Variants in RELN observed in about 807,000 individuals in gnomAD.
The protein encoded by RELN is reelin.
A neutral mutation model predicts 427.6 loss-of-function variants in RELN; 108 were observed. The ratio of observed to expected loss-of-function variants is 0.25; its 90% CI spans 0.22 to 0.30. The LOEUF is 0.30. Ranked by LOEUF, RELN falls within the 10% of genes least tolerant of loss-of-function variation. The pLI is 1.00. For missense variants in RELN, 3,715 were observed against 4,302.8 expected, an observed-to-expected ratio of 0.86 and a Z score of 3.82; for synonymous variants, 1,524 against 1,513.4, an observed-to-expected ratio of 1.01 and a Z score of -0.16.
chr7:103,978,023 A>G (rs1796916353), intron 1 of RELN, among the ~76,000 whole-genome samples: 1 of 152,260 alleles, frequency 6.6e-6, no homozygotes, highest in South Asian at 2.1e-4. Flanking sequence ...AATATTTCTA[A>G]GGAGAAACAT....
chr7:103,651,704 G>A lies in RELN; in HGVS notation c.1849C>T (p.His617Tyr), dbSNP rs780026961. Reference sequence around the variant, plus strand: ...GAGTAGACAGTGCTGTGGGGGAGGTGGGGTCCAGCACAGATCTCAGGTAAG... The same window carrying A: ...GAGTAGACAGTGCTGTGGGGGAGGTAGGGTCCAGCACAGATCTCAGGTAAG... ...ECLPEICAGP[H>Y]LPHSTVYSSE... Residue 617 changes from histidine to tyrosine, a missense_variant, in exon 15 of 65, where the codon CAC (histidine) becomes TAC (tyrosine). This residue lies in a region of RELN where 2,208 missense variants were observed against 2,361.7 expected (regional missense o/e 0.93). Transcript: ENST00000428762. 1 of 1,611,632 alleles carries A rather than the reference G, an allele frequency of 6.2e-7. No homozygotes were observed. The highest frequency in any genetic ancestry group is 8.5e-7 in the Non-Finnish European group (1 of 1,178,364).
intron 2 of RELN, among the ~76,000 whole-genome samples, chr7:103,866,597 C>A (rs900869245): frequency 2.0e-5 from 3 of 151,820 alleles, no homozygotes; most frequent in African/African-American, 7.3e-5. Context: ...TAATTTAAAT[C>A]AAAAGAATAG....
At chr7:103,857,828 C>T (rs1793981465) in intron 2 of RELN, among the ~76,000 whole-genome samples, 1 of 152,122 alleles carries the variant, frequency 6.6e-6, no homozygotes, top group Admixed American at 6.5e-5. Flanking sequence ...AATCAGTTGT[C>T]CTACTCCATG....
chr7:103,605,395 G>A (rs1831793866), intron 22 of RELN, among the ~76,000 whole-genome samples: 1 of 152,160 alleles, frequency 6.6e-6, no homozygotes, highest in Non-Finnish European at 1.5e-5. Context: ...AAGTGGGGAT[G>A]AAAATTAAAC....
intron 36 of RELN, among the ~76,000 whole-genome samples, chr7:103,558,396 G>A (rs942815916): frequency 7.9e-5 from 12 of 152,170 alleles, no homozygotes; most frequent in African/African-American, 2.2e-4. Context: ...GAGTAACGAG[G>A]AAGCAGATGG....
chr7:103,801,791 G>A (rs1173423230), intron 3 of RELN, among the ~76,000 whole-genome samples: 1 of 151,790 alleles, frequency 6.6e-6, no homozygotes, highest in Non-Finnish European at 1.5e-5. Flanking sequence ...ATAGGGTAAT[G>A]GTGAAGGTTT....
rs763588385 is a variant in RELN at position 103,566,268 on chromosome 7, T to C, written c.4892A>G (p.Asp1631Gly). 2 of 1,614,034 alleles carry C rather than the reference T, an allele frequency of 1.2e-6. No homozygotes were observed. The highest frequency in any genetic ancestry group is 1.7e-6 in the Non-Finnish European group (2 of 1,179,934). ...CAGAGCAGTATCCATAGAGAGACAG[T>C]CAATATCAACTTGACCTCCTTGGAT... ...YRIQGGQVDI[D>G]CLSMDTALIF... The change falls in exon 33 of 65, where the codon GAC becomes GGC. Residue 1631 changes from aspartate to glycine, a missense_variant. Physicochemically the swap from Asp to Gly is moderately conservative, Grantham distance 94. This residue lies in a region of RELN where 2,208 missense variants were observed against 2,361.7 expected (regional missense o/e 0.93). Coordinates refer to ENST00000428762, the MANE Select transcript of RELN (RefSeq NM_005045.4).
At chr7:103,638,225 C>T (rs1470171129) in intron 17 of RELN, among the ~76,000 whole-genome samples, 1 of 152,124 alleles carries the variant, frequency 6.6e-6, no homozygotes, top group Non-Finnish European at 1.5e-5. Flanking sequence ...GCGGTATAGT[C>T]ACCCTGTAAT....
chr7:103,847,578 TATA>T (rs2116452984), intron 2 of RELN, among the ~76,000 whole-genome samples: 1 of 152,216 alleles, frequency 6.6e-6, no homozygotes, highest in Non-Finnish European at 1.5e-5. Flanking sequence ...CAAAAAATGA[TATA>T]ATATCATGTA....
intron 6 of RELN, 28 bp from the exon 7 acceptor site, chr7:103,728,235 T>C: frequency 6.2e-7 from 1 of 1,606,574 alleles, no homozygotes; most frequent in East Asian, 2.2e-5. Flanking sequence ...ACAGTCCCCG[T>C]CTGAGAACTA....
chr7:103,472,797 A>T lies in RELN; in HGVS notation c.*15T>A, dbSNP rs1250527010. On this transcript the variant is annotated 3_prime_UTR_variant, in exon 65 of 65. Transcript: ENST00000428762. The stretch of plus-strand genomic sequence containing the variant: ...CATCACATGTTGGAAGAAAAAAAAT[A>T]AACTTTTTGATTCTTCATGGGTATC... 1.3e-6 allele frequency: 2 copies of T among 1,595,060 alleles called. No individual in the cohort carries two copies. The highest frequency in any genetic ancestry group is 1.7e-5 in the Admixed American group (1 of 59,970).
chr7:103,926,627 GTTTT>G (rs60259062), intron 1 of RELN, among the ~76,000 whole-genome samples: 2 of 99,462 alleles, frequency 2.0e-5, no homozygotes, highest in African/African-American at 7.1e-5. Context: ...AGTATCATAA[GTTTT>G]TTTTTTTTTT....
At chr7:103,843,369 A>G (rs983181935) in intron 2 of RELN, among the ~76,000 whole-genome samples, 4 of 152,030 alleles carry the variant, frequency 2.6e-5, no homozygotes, top group Non-Finnish European at 5.9e-5. Flanking sequence ...TACGCCCAGT[A>G]AGACTCAGTA....
In RELN at chr7:103,563,337, C is replaced by A. The variant is rs527690995; in HGVS notation, c.5211-1384G>T. On this transcript the variant is annotated intron_variant, in intron 34 of 64. Coordinates refer to ENST00000428762, the MANE Select transcript of RELN (RefSeq NM_005045.4). The surrounding 1 kb of genome is among the most constrained non-coding windows in gnomAD (Gnocchi z 4.1). ...CTAATTGACATCTTGATGATTCTGA[C>A]CTTGTGTATGCCAAGGCTAATAATG... Among the ~76,000 whole-genome samples the A allele has an allele frequency of 2.9e-4, 44 of 152,210 alleles. No homozygotes were observed. The highest frequency in any genetic ancestry group is 2.9e-3 in the Admixed American group (44 of 15,290).
chr7:103,865,483 T>C (rs1363670584), intron 2 of RELN, among the ~76,000 whole-genome samples: 1 of 152,038 alleles, frequency 6.6e-6, no homozygotes, highest in Non-Finnish European at 1.5e-5. Context: ...CTAATGAACA[T>C]AAATGCAACA....
At chr7:103,642,763 A>T (rs1040431256) in intron 16 of RELN, among the ~76,000 whole-genome samples, 8 of 152,118 alleles carry the variant, frequency 5.3e-5, no homozygotes, top group Non-Finnish European at 4.4e-5. Flanking sequence ...TTTGATGATT[A>T]TCAAAGTAAT....
intron 2 of RELN, among the ~76,000 whole-genome samples, chr7:103,848,774 G>A (rs930513541): frequency 6.6e-6 from 1 of 152,094 alleles, no homozygotes; most frequent in African/African-American, 2.4e-5. Context: ...CCATTACAGA[G>A]GGCAAGTTCA....
rs561641756 is a variant in RELN, at chr7:103,606,195, C to T, written c.3009-1712G>A. ...TTAATCTGAGTCAAGTCCACGGCCA[C>T]GGGTGACTAGATTGTGAGCTCTTTG... On this transcript the variant is annotated intron_variant, in intron 22 of 64. Transcript: ENST00000428762. Among the ~76,000 whole-genome samples, 49 of 152,260 alleles carry T rather than the reference C, an allele frequency of 3.2e-4. 1 individual carries two copies. Among genetic ancestry groups the T allele is most frequent in the African/African-American group, 6.0e-4 (25 of 41,558 alleles).
At chr7:103,907,147 G>C (rs1795224827) in intron 2 of RELN, among the ~76,000 whole-genome samples, 1 of 150,622 alleles carries the variant, frequency 6.6e-6, no homozygotes, top group Admixed American at 6.6e-5. Flanking sequence ...GCCAGGCGCG[G>C]TGGCTCATGC....
Sources: allele counts gnomAD v4.1 joint callset (sites outside exome capture counted in the v4.1 genomes callset), GRCh38; gene constraint gnomAD v4.1.1; regional missense constraint gnomAD v4.1.1; non-coding constraint Gnocchi (gnomAD v3.1); transcripts MANE v1.5; gene names NCBI Gene and HGNC (gene_info 2026-07-23, HGNC 2026-07-21).